NIPBL: variants seen among roughly 807,000 people sequenced by gnomAD.
NIPBL encodes NIPBL cohesin loading factor, also known as nipped-B-like protein.
In NIPBL, 19 loss-of-function variants were observed where a neutral mutation model predicts 321.8. The observed-to-expected ratio is 0.06, with a 90% CI of 0.04 to 0.09. NIPBL has a LOEUF of 0.09. NIPBL is among the 10% of genes least tolerant of loss of function. The pLI is 1.00. For synonymous variants in NIPBL, 1,106 were observed against 1,114.1 expected, an observed-to-expected ratio of 0.99 and a Z score of 0.14; for missense variants, 2,210 against 3,327.0, an observed-to-expected ratio of 0.66 and a Z score of 8.26.
chr5:36,898,797 C>G (rs1746983445), intron 1 of NIPBL, among the ~76,000 whole-genome samples: 1 of 152,152 alleles, frequency 6.6e-6, no homozygotes, highest in Admixed American at 6.5e-5. Context: ...GTGTGAACCA[C>G]CACACCTGGC....
intron 6 of NIPBL, among the ~76,000 whole-genome samples, chr5:36,967,084 G>T (rs1039616300): frequency 6.6e-6 from 1 of 151,806 alleles, no homozygotes; most frequent in Non-Finnish European, 1.5e-5. Flanking sequence ...TTAATATACC[G>T]AAATCTCATA....
intron 1 of NIPBL, among the ~76,000 whole-genome samples, chr5:36,905,882 A>G (rs1217739919): frequency 6.6e-6 from 1 of 151,922 alleles, no homozygotes. Flanking sequence ...TAGCTGGACT[A>G]CAGGCACCCG....
chr5:36,974,279 AG>A (rs1743202423), intron 8 of NIPBL, among the ~76,000 whole-genome samples: 1 of 152,196 alleles, frequency 6.6e-6, no homozygotes, highest in African/African-American at 2.4e-5. Context: ...ATTCACCAAA[AG>A]CTTGAACTTC....
intron 1 of NIPBL, among the ~76,000 whole-genome samples, chr5:36,917,877 G>A (rs531269001): frequency 5.3e-5 from 8 of 152,212 alleles, no homozygotes; most frequent in African/African-American, 1.2e-4. Flanking sequence ...TGTTCCATTG[G>A]TCTATATCTC....
chr5:36,984,161 T>C (rs1236417885), intron 9 of NIPBL, among the ~76,000 whole-genome samples: 1 of 152,048 alleles, frequency 6.6e-6, no homozygotes, highest in African/African-American at 2.4e-5. Context: ...TGGCATGGTA[T>C]ATATTTTCTT....
At chr5:37,044,539 A>G in intron 35 of NIPBL, 52 bp downstream of exon 35, 2 of 1,593,566 alleles carry the variant, frequency 1.3e-6, no homozygotes, top group Non-Finnish European at 1.7e-6. Flanking sequence ...GTTCTAATGT[A>G]TTTTATTAAA....
Position 37,065,373 on chromosome 5 carries a change from A to G in NIPBL, c.*481A>G, listed in dbSNP as rs1032493787. On this transcript the variant is annotated 3_prime_UTR_variant, in exon 47 of 47. Transcript: ENST00000282516. The stretch of plus-strand genomic sequence containing the variant: ...AAAAAGCATGCAGTATCTATGACCT[A>G]TCTGCAGAAGGAGTTTTTGTAAATG... 4 of 157,296 alleles carry G rather than the reference A, an allele frequency of 2.5e-5. No individual in the cohort carries two copies. Among genetic ancestry groups the G allele is most frequent in the Non-Finnish European group, 4.2e-5 (3 of 71,422 alleles). The allele number at this position is 157,296 out of a possible 1,614,324, so 9.7% of individuals were successfully genotyped here.
Position 37,023,570 on chromosome 5 carries a change from TAAACA to T in NIPBL, c.5575-1010_5575-1006del, listed in dbSNP as rs113178426. 2.6e-4 allele frequency among the ~76,000 whole-genome samples: 40 copies of T among 152,228 alleles called. 1 individual carries two copies. Among genetic ancestry groups the T allele is most frequent in the African/African-American group, 9.6e-4 (40 of 41,572 alleles). On this transcript the variant is annotated intron_variant, in intron 29 of 46. Transcript: ENST00000282516. The stretch of plus-strand genomic sequence containing the variant: ...CACCAAAAAAAGATACTGTGCTATA[TAAACA>T]AAACCATTATCTCACCCAAATTAGC...
chr5:36,963,625 G>T (rs945411169), intron 6 of NIPBL, among the ~76,000 whole-genome samples: 2 of 150,778 alleles, frequency 1.3e-5, no homozygotes, highest in African/African-American at 4.9e-5. Flanking sequence ...AACATAGTGG[G>T]ACCCTGTCTC....
chr5:37,028,798 T>G (rs1386058204), intron 32 of NIPBL, among the ~76,000 whole-genome samples: 1 of 152,242 alleles, frequency 6.6e-6, no homozygotes, highest in Non-Finnish European at 1.5e-5. Flanking sequence ...GTGTTCATAT[T>G]TTCCTGTCTC....
intron 1 of NIPBL, among the ~76,000 whole-genome samples, chr5:36,884,941 G>C (rs954967479): frequency 2.6e-5 from 4 of 152,140 alleles, no homozygotes; most frequent in African/African-American, 9.7e-5. Context: ...TGAGGATCGT[G>C]AAGTACAGGA....
At chr5:36,963,781 C>T (rs1019712538) in intron 6 of NIPBL, among the ~76,000 whole-genome samples, 1 of 152,046 alleles carries the variant, frequency 6.6e-6, no homozygotes, top group Non-Finnish European at 1.5e-5. Flanking sequence ...AGATTGAGAC[C>T]TATCTCAAAG....
chr5:37,014,714 A>G lies in NIPBL; in HGVS notation c.4592A>G (p.Tyr1531Cys). The G allele has an allele frequency of 6.2e-7, 1 of 1,609,990 alleles. No homozygotes were observed. Among genetic ancestry groups the G allele is most frequent in the Non-Finnish European group, 8.5e-7 (1 of 1,176,464 alleles). The part of the protein sequence containing the change: ...IDQDVVITNS[Y>C]ETAMRTAQNF... ...CAGGATGTTGTCATTACTAACTCTT[A>G]TGAAACAGCTATGCGAACAGCCCAA... The change falls in exon 22 of 47, where the codon TAT (tyrosine) becomes TGT (cysteine). Residue 1531 changes from tyrosine to cysteine, a missense_variant. Tyr to Cys is a radical substitution (Grantham distance 194, BLOSUM62 -2). Coordinates refer to ENST00000282516, the MANE Select transcript of NIPBL (RefSeq NM_133433.4).
chr5:36,950,215 G>C (rs1458860724), intron 1 of NIPBL, among the ~76,000 whole-genome samples: 1 of 151,944 alleles, frequency 6.6e-6, no homozygotes, highest in Non-Finnish European at 1.5e-5. Context: ...ATTTATAATA[G>C]ATCTTTTAGA....
chr5:37,050,302 A>G (rs1465901972), intron 40 of NIPBL, among the ~76,000 whole-genome samples: 1 of 151,994 alleles, frequency 6.6e-6, no homozygotes, highest in Non-Finnish European at 1.5e-5. Flanking sequence ...CGTCTCTACT[A>G]AAAATACAAA....
chr5:36,964,653 G>A (rs1742009151), intron 6 of NIPBL, among the ~76,000 whole-genome samples: 1 of 152,028 alleles, frequency 6.6e-6, no homozygotes, highest in Admixed American at 6.6e-5. Context: ...CAAAATATAG[G>A]CAACCAAAGG....
chr5:36,918,629 T>C (rs751451890), intron 1 of NIPBL, among the ~76,000 whole-genome samples: 7 of 152,176 alleles, frequency 4.6e-5, no homozygotes, highest in Non-Finnish European at 1.0e-4. Flanking sequence ...GCTTCCAGTT[T>C]TTGCCCATTC....
intron 3 of NIPBL, among the ~76,000 whole-genome samples, 162 bp from the exon 4 acceptor site, chr5:36,957,942 C>T (rs1485047366): frequency 6.7e-6 from 1 of 149,684 alleles, no homozygotes; most frequent in Non-Finnish European, 1.5e-5. Context: ...GAGATTGTAC[C>T]ATTGCACTCC....
At chr5:37,018,383 T>C (rs1248448034) in intron 24 of NIPBL, among the ~76,000 whole-genome samples, 2 of 152,226 alleles carry the variant, frequency 1.3e-5, no homozygotes, top group Non-Finnish European at 2.9e-5. Flanking sequence ...GCTCAAATCG[T>C]CCTAGATTTG....
Sources: gnomAD v4.1 joint callset for allele counts (sites outside exome capture counted in the v4.1 genomes callset) on GRCh38, gnomAD v4.1.1 for gene constraint, MANE v1.5 for transcripts, NCBI Gene and HGNC (gene_info 2026-07-23, HGNC 2026-07-21) for gene names.